The following CHODL variants were observed in gnomAD, a reference collection of about 807,000 sequenced individuals.
CHODL encodes transmembrane protein MT75.
Under a neutral mutation model 34.5 loss-of-function variants are expected in CHODL, and 29 were observed. The ratio of observed to expected loss-of-function variants is 0.84; its 90% CI spans 0.63 to 1.15. The LOEUF is 1.15. CHODL is among the 50% of genes most tolerant of loss of function. The probability of loss-of-function intolerance (pLI) is 0.00; values close to 1 mark genes in which losing one functional copy is unlikely to be tolerated. For synonymous variants in CHODL, 125 were observed against 116.1 expected (o/e 1.08, Z -0.49); for missense variants, 332 against 332.5 (o/e 1.00, Z 0.01).
chr21:17,929,074 A>G (rs1351678725), intron 1 of CHODL, among the ~76,000 whole-genome samples: 3 of 152,208 alleles, frequency 2.0e-5, no homozygotes, highest in Admixed American at 2.0e-4. Context: ...GTTGGAAGAA[A>G]AGACAGCCAA....
chr21:18,175,202 C>T (rs1263399415), intron 2 of CHODL, among the ~76,000 whole-genome samples: 2 of 152,142 alleles, frequency 1.3e-5, no homozygotes, highest in Non-Finnish European at 2.9e-5. Context: ...TAATGATACC[C>T]AGTAAAGGAA....
intron 1 of CHODL, among the ~76,000 whole-genome samples, chr21:18,019,779 C>G (rs2064110705): frequency 6.6e-6 from 1 of 152,138 alleles, no homozygotes; most frequent in Non-Finnish European, 1.5e-5. Context: ...TATGGGGCAG[C>G]TGTAGCCTGT....
chr21:17,960,764 T>A (rs145673541), intron 1 of CHODL, among the ~76,000 whole-genome samples: 10 of 152,262 alleles, frequency 6.6e-5, no homozygotes, highest in African/African-American at 2.4e-4. Flanking sequence ...CCCCGGTCAT[T>A]CTCTCTTCTC....
At chr21:18,110,344 T>A (rs1283187907) in intron 2 of CHODL, among the ~76,000 whole-genome samples, 1 of 152,176 alleles carries the variant, frequency 6.6e-6, no homozygotes, top group Non-Finnish European at 1.5e-5. Context: ...CACTTTTCCT[T>A]CTCCTTGATT....
At chr21:18,070,821 CTG>C (rs1251700979) in intron 2 of CHODL, among the ~76,000 whole-genome samples, 2 of 152,168 alleles carry the variant, frequency 1.3e-5, no homozygotes, top group Admixed American at 6.5e-5. Context: ...ACTTCTAAAT[CTG>C]TCTCTCTCAA....
At chr21:18,179,696 A>G (rs1357265204) in intron 2 of CHODL, among the ~76,000 whole-genome samples, 5 of 152,044 alleles carry the variant, frequency 3.3e-5, no homozygotes. Flanking sequence ...TTCACAGAGG[A>G]CTCATGAGAT....
intron 1 of CHODL, among the ~76,000 whole-genome samples, chr21:18,024,076 C>T (rs760631060): frequency 6.6e-6 from 1 of 152,102 alleles, no homozygotes; most frequent in Admixed American, 6.5e-5. Flanking sequence ...TTTTTATTTC[C>T]TGCATCTCCA....
At chr21:18,170,620 T>C (rs2073215851) in intron 2 of CHODL, among the ~76,000 whole-genome samples, 1 of 152,160 alleles carries the variant, frequency 6.6e-6, no homozygotes, top group East Asian at 1.9e-4. Context: ...TATAACACTC[T>C]ATTTCAGTTA....
chr21:18,166,824 C>T (rs1315622222), intron 2 of CHODL, among the ~76,000 whole-genome samples: 1 of 151,890 alleles, frequency 6.6e-6, no homozygotes, highest in African/African-American at 2.4e-5. Flanking sequence ...CTTTTATTGT[C>T]CTGTCTTTTA....
intron 1 of CHODL, among the ~76,000 whole-genome samples, chr21:17,954,610 C>G (rs1379067175): frequency 7.4e-6 from 1 of 135,438 alleles, no homozygotes; most frequent in Non-Finnish European, 1.7e-5. Flanking sequence ...TGTGTTTATA[C>G]CATCAGTGCA....
At chr21:18,052,256 T>C (rs992971980) in intron 2 of CHODL, among the ~76,000 whole-genome samples, 1 of 151,940 alleles carries the variant, frequency 6.6e-6, no homozygotes, top group Non-Finnish European at 1.5e-5. Context: ...TAAGTAGTGA[T>C]TAATTTTATA....
intron 2 of CHODL, among the ~76,000 whole-genome samples, chr21:18,081,112 T>C (rs1250012350): frequency 6.6e-6 from 1 of 152,220 alleles, no homozygotes; most frequent in African/African-American, 2.4e-5. Flanking sequence ...TAAATGGAAT[T>C]GCCTTCGGAT....
At chr21:18,192,572 A>G (rs988562434) in intron 2 of CHODL, among the ~76,000 whole-genome samples, 3 of 152,168 alleles carry the variant, frequency 2.0e-5, no homozygotes, top group African/African-American at 7.2e-5. Context: ...ACACATTTAC[A>G]TAGGTTTACT....
intron 1 of CHODL, among the ~76,000 whole-genome samples, chr21:17,961,213 T>C (rs568733915): frequency 6.6e-6 from 1 of 152,208 alleles, no homozygotes; most frequent in Non-Finnish European, 1.5e-5. Context: ...AGTGTTATTG[T>C]AGCATGTTCT....
At chr21:18,068,187 TC>T (rs1324535379) in intron 2 of CHODL, among the ~76,000 whole-genome samples, 1 of 151,966 alleles carries the variant, frequency 6.6e-6, no homozygotes, top group Non-Finnish European at 1.5e-5. Context: ...ACTTCTTTAT[TC>T]ATTTTTCTTT....
intron 2 of CHODL, chr21:18,134,302 G>A (rs1210828601): frequency 7.8e-6 from 4 of 515,910 alleles, no homozygotes; most frequent in Non-Finnish European, 1.5e-5. Context: ...CTGTTAACTT[G>A]TGGATCTCTC....
At position 18,171,239 on chromosome 21, in the gene CHODL, G is replaced by A. The variant is rs544001993; in HGVS notation, c.-44-85270G>A. ...TTTTGAGACGGAGTCTCGCTCTGTCGCCCAGGCCAGACTGCGGACTGCAGC... is the reference window on the plus strand; with the variant it reads ...TTTTGAGACGGAGTCTCGCTCTGTCACCCAGGCCAGACTGCGGACTGCAGC... On this transcript the variant is annotated intron_variant, in intron 2 of 6. Coordinates refer to the CHODL transcript ENST00000400127. 7.1e-5 allele frequency among the ~76,000 whole-genome samples: 6 copies of A among 84,424 alleles called. No homozygotes were observed. The East Asian group carries it at 3.7e-3, about 51-fold the overall frequency. 55.4% of individuals were successfully genotyped at this position (84,424 alleles called of 152,430 possible). A position where few individuals can be genotyped will look rare whatever the true frequency, so the allele number is the denominator to read the frequency against.
rs375023054 is a variant in CHODL at position 17,979,724 on chromosome 21, G to A, written c.-144-48148G>A. Among the ~76,000 whole-genome samples the A allele has an allele frequency of 3.9e-5, 6 of 152,178 alleles. No individual in the cohort carries two copies. The East Asian group carries it at 1.2e-3, about 29-fold the overall frequency. ...TGTTTGGAAAATCGTTTCTTTCCTTGAGGAATTATGTTTTGTATTGGTTTC... is the reference window on the plus strand; with the variant it reads ...TGTTTGGAAAATCGTTTCTTTCCTTAAGGAATTATGTTTTGTATTGGTTTC... On this transcript the variant is annotated intron_variant, in intron 1 of 6. Transcript: ENST00000400127.
intron 1 of CHODL, among the ~76,000 whole-genome samples, chr21:17,966,948 C>T (rs912848124): frequency 1.1e-4 from 16 of 151,006 alleles, no homozygotes; most frequent in African/African-American, 2.7e-4. Flanking sequence ...TGCAGTGGCG[C>T]GATCTTGGCT....
Sources: allele counts gnomAD v4.1 joint callset (sites outside exome capture counted in the v4.1 genomes callset), GRCh38; gene constraint gnomAD v4.1.1; transcripts MANE v1.5; gene names NCBI Gene and HGNC (gene_info 2026-07-23, HGNC 2026-07-21).